HPS3: variants seen among roughly 807,000 people sequenced by gnomAD.
HPS3 encodes BLOC-2 complex member HPS3.
In HPS3, 79 loss-of-function variants were observed where a neutral mutation model predicts 110.9. The ratio of observed to expected loss-of-function variants is 0.71; its 90% CI spans 0.59 to 0.86. HPS3 has a LOEUF of 0.86. Among genes scored for constraint, HPS3 ranks in the 40% least tolerant of loss-of-function variants. The probability of loss-of-function intolerance (pLI) is 0.00; values close to 1 mark genes in which losing one functional copy is unlikely to be tolerated. For missense variants in HPS3, 1,197 were observed against 1,206.2 expected (o/e 0.99, Z 0.11); for synonymous variants, 428 against 451.0 (o/e 0.95, Z 0.65).
At chr3:149,168,062 A>G (rs559215939) in intron 16 of HPS3, 79 bp downstream of exon 16, 30 of 902,172 alleles carry the variant, frequency 3.3e-5, no homozygotes, top group East Asian at 1.5e-4. Flanking sequence ...AAGTATTTTC[A>G]TGTGATTCTC....
chr3:149,143,242 A>G (rs1722589048), intron 4 of HPS3, among the ~76,000 whole-genome samples: 1 of 152,176 alleles, frequency 6.6e-6, no homozygotes, highest in Non-Finnish European at 1.5e-5. Flanking sequence ...TTCTTCATCC[A>G]TAGTGGCCTT....
In HPS3 at chr3:149,160,059, A is replaced by C. The variant is rs1055229710; in HGVS notation, c.1886A>C (p.Lys629Thr). The change falls in exon 11 of 17, where the codon AAA (lysine) becomes ACA (threonine). Residue 629 changes from lysine to threonine, a missense_variant. By Grantham distance (78) the Lys-to-Thr change is moderately conservative. Coordinates refer to ENST00000296051, the MANE Select transcript of HPS3 (RefSeq NM_032383.5). ...TGCTCACCAAAGGAATTAGCAGCAA[A>C]AGTGGTTCAGATGTTTTATGTGGCT... ...DEELNEELAA[K>T]VVQMFYVAEP... 1.2e-6 allele frequency: 2 copies of C among 1,613,506 alleles called. No individual in the cohort carries two copies. Among genetic ancestry groups the C allele is most frequent in the Non-Finnish European group, 1.7e-6 (2 of 1,179,592 alleles).
At chr3:149,161,008 C>G (rs1374967417) in intron 11 of HPS3, among the ~76,000 whole-genome samples, 1 of 152,166 alleles carries the variant, frequency 6.6e-6, no homozygotes, top group African/African-American at 2.4e-5. Context: ...AATCGGGCAG[C>G]CTGATTTCAG....
Position 149,150,682 on chromosome 3 carries a change from T to G in HPS3, c.1245+2T>G, listed in dbSNP as rs2108147274. On this transcript the variant is annotated splice_donor_variant, in intron 6 of 16. Transcript: ENST00000296051. LOFTEE classifies it high-confidence loss of function. ...CCGTACATGGACACCACCCTGAAGG[T>G]AAGAACTGGCTTATGAAGATAGTGA... The G allele has an allele frequency of 6.2e-7, 1 of 1,610,388 alleles. No individual in the cohort carries two copies. Among genetic ancestry groups the G allele is most frequent in the Non-Finnish European group, 8.5e-7 (1 of 1,176,596 alleles).
intron 4 of HPS3, among the ~76,000 whole-genome samples, 183 bp downstream of exon 4, chr3:149,141,563 C>T (rs1470755591): frequency 1.6e-5 from 2 of 124,486 alleles, no homozygotes; most frequent in Non-Finnish European, 3.2e-5. Context: ...GAGACTGAGT[C>T]TCGCTTTATT....
intron 4 of HPS3, 140 bp downstream of exon 4, chr3:149,141,520 TTTTTTTTTTTG>T: frequency 6.1e-6 from 3 of 494,956 alleles, no homozygotes; most frequent in Non-Finnish European, 1.1e-5. Flanking sequence ...TTTAACAAAG[TTTTTTTTTTTG>T]TTTTTTTTTT....
In HPS3 at chr3:149,162,791, CTT is replaced by C. The variant is rs1313576315; in HGVS notation, c.2398_2399del (p.Phe800GlnfsTer12). On this transcript the variant is annotated frameshift_variant, in exon 13 of 17. Transcript: ENST00000296051. LOFTEE classifies it high-confidence loss of function. ...CLPDVVLQEL[F>X]FKLTSQYIWR... ...TCCCAGATGTGGTACTTCAGGAACT[CTT>C]TTTCAAACTCACATCACAGTACATC... The C allele has an allele frequency of 8.1e-6, 13 of 1,613,998 alleles. No individual in the cohort carries two copies. The highest frequency in any genetic ancestry group is 1.7e-4 in the Middle Eastern group (1 of 6,060).
rs952422772 is a variant in HPS3, at chr3:149,149,117, C to G, written c.1164-1482C>G. Among the ~76,000 whole-genome samples, 7 of 149,964 alleles carry G rather than the reference C, an allele frequency of 4.7e-5. 1 individual carries two copies. Among genetic ancestry groups the G allele is most frequent in the African/African-American group, 1.7e-4 (7 of 40,678 alleles). ...TACAGGCGCCCACCACCACGCCCAG[C>G]TAATTTTTTTTTTTTTTTTGTATTT... is the stretch of plus-strand genomic sequence containing the variant. On this transcript the variant is annotated intron_variant, in intron 5 of 16. Coordinates refer to ENST00000296051, the MANE Select transcript of HPS3 (RefSeq NM_032383.5).
At chr3:149,159,187 C>T (rs1207851837) in intron 10 of HPS3, among the ~76,000 whole-genome samples, 1 of 152,170 alleles carries the variant, frequency 6.6e-6, no homozygotes, top group African/African-American at 2.4e-5. Context: ...TCCCGCAACC[C>T]TAATTGTCCC....
chr3:149,149,874 C>A (rs1272074334), intron 5 of HPS3, among the ~76,000 whole-genome samples: 2 of 152,178 alleles, frequency 1.3e-5, no homozygotes, highest in Non-Finnish European at 1.5e-5. Context: ...CTATTGTGCA[C>A]TTACTGTGGA....
At chr3:149,148,399 C>CTTT (rs66720211) in intron 5 of HPS3, among the ~76,000 whole-genome samples, 13,845 of 99,982 alleles carry the variant, frequency 0.14, 1,580 homozygotes, top group South Asian at 0.23. Flanking sequence ...CATATCAAGA[C>CTTT]TTTTTTTTTT....
In HPS3 at chr3:149,129,873, G is replaced by T. The variant is rs777624550; in HGVS notation, c.150G>T (p.Glu50Asp). 90 of 1,595,256 alleles carry T rather than the reference G, an allele frequency of 5.6e-5. No individual in the cohort carries two copies. The highest frequency in any genetic ancestry group is 2.0e-4 in the Middle Eastern group (1 of 4,920). Residue 50 changes from glutamate (E) to aspartate (D), a missense_variant, in exon 1 of 17, where the codon GAG becomes GAT. Transcript: ENST00000296051. ...AGGCGTTCGCGGTGGCCGGCCAGGA[G>T]CTGTGCCAGCCGCGGTGCGCCTTCT... ...KVEAFAVAGQ[E>D]LCQPRCAFST...
Position 149,157,472 on chromosome 3 carries a change from G to A in HPS3, c.1632G>A (p.Lys544=). 6.2e-7 allele frequency: 1 copy of A among 1,613,910 alleles called. No individual in the cohort carries two copies. The highest frequency in any genetic ancestry group is 8.5e-7 in the Non-Finnish European group (1 of 1,179,872). The change falls in exon 9 of 17, where the codon AAG becomes AAA. Residue 544 remains lysine, a synonymous_variant. Transcript: ENST00000296051. ...CCAGTCAGCTGGAACCTGGAGAGAA[G>A]GCAGAGCTTTTGGAAGCATTTAAGG... ...MDASQLEPGE[K]AELLEAFKES...
At chr3:149,162,375 T>G in intron 12 of HPS3, 42 bp downstream of exon 12, 2 of 1,563,022 alleles carry the variant, frequency 1.3e-6, no homozygotes, top group Admixed American at 1.7e-5. Context: ...ATGGCCTCAT[T>G]AAATTGGTGG....
intron 5 of HPS3, among the ~76,000 whole-genome samples, chr3:149,147,335 A>G (rs1032595373): frequency 6.6e-6 from 1 of 152,196 alleles, no homozygotes; most frequent in African/African-American, 2.4e-5. Flanking sequence ...CGCCAAAAAA[A>G]AAGTTGATTA....
At chr3:149,135,787 G>A (rs544970172) in intron 1 of HPS3, among the ~76,000 whole-genome samples, 1 of 152,078 alleles carries the variant, frequency 6.6e-6, no homozygotes, top group Admixed American at 6.5e-5. Context: ...GGGGTGGTGG[G>A]GCATGGAGGA....
chr3:149,168,495 A>C (rs1442084357), intron 16 of HPS3: 1 of 166,898 alleles, frequency 6.0e-6, no homozygotes, highest in East Asian at 1.7e-4. Context: ...ATCTGTTTCT[A>C]TACTGCTGTG....
chr3:149,156,624 A>G (rs1723474606), intron 8 of HPS3, among the ~76,000 whole-genome samples: 1 of 150,068 alleles, frequency 6.7e-6, no homozygotes. Context: ...CAGCCAGAAT[A>G]TTGCATAGGT....
At chr3:149,154,169 T>C (rs897035114) in intron 7 of HPS3, 1 of 155,874 alleles carries the variant, frequency 6.4e-6, no homozygotes, top group Non-Finnish European at 1.4e-5. Context: ...GTTTCTGCTT[T>C]CCCATTGTTT....
Sources: allele counts gnomAD v4.1 joint callset (sites outside exome capture counted in the v4.1 genomes callset), GRCh38; gene constraint gnomAD v4.1.1; transcripts MANE v1.5; gene names NCBI Gene and HGNC (gene_info 2026-07-23, HGNC 2026-07-21).